COL26A1: variants seen among roughly 807,000 people sequenced by gnomAD.
COL26A1 encodes the protein collagen alpha-1(XXVI) chain.
COL26A1 carries 41 observed loss-of-function variants against 59.3 expected under a neutral mutation model. The observed-to-expected ratio is 0.69, with a 90% CI of 0.54 to 0.90. COL26A1 has a LOEUF of 0.90. Among genes scored for constraint, COL26A1 ranks in the 40% least tolerant of loss-of-function variants. The probability of loss-of-function intolerance (pLI) is 0.00; values close to 1 mark genes in which losing one functional copy is unlikely to be tolerated. For missense variants in COL26A1, 612 were observed against 602.3 expected (o/e 1.02, Z -0.17); for synonymous variants, 266 against 256.0 (o/e 1.04, Z -0.37).
chr7:101,464,181 G>C (rs1793700617), intron 3 of COL26A1, among the ~76,000 whole-genome samples: 1 of 151,612 alleles, frequency 6.6e-6, no homozygotes, highest in Non-Finnish European at 1.5e-5. Flanking sequence ...GCCCAGGCTG[G>C]TATGGAACTC....
chr7:101,490,645 G>A (rs1563008965), intron 3 of COL26A1, among the ~76,000 whole-genome samples: 1 of 151,896 alleles, frequency 6.6e-6, no homozygotes, highest in Non-Finnish European at 1.5e-5. Flanking sequence ...AGATAACAGT[G>A]AGCGGAGATT....
intron 7 of COL26A1, among the ~76,000 whole-genome samples, chr7:101,546,450 G>T (rs1386922544): frequency 1.3e-5 from 2 of 150,848 alleles, no homozygotes; most frequent in Admixed American, 1.3e-4. Context: ...ATGTTGCCCA[G>T]GCTGGTCTGG....
At chr7:101,429,631 C>T (rs1224356810) in intron 2 of COL26A1, among the ~76,000 whole-genome samples, 4 of 107,264 alleles carry the variant, frequency 3.7e-5, no homozygotes, top group African/African-American at 7.4e-5. Context: ...TTTGCTCTGT[C>T]GCCCAGGCTG....
chr7:101,504,924 C>T (rs989789925), intron 3 of COL26A1, among the ~76,000 whole-genome samples: 14 of 152,060 alleles, frequency 9.2e-5, no homozygotes, highest in African/African-American at 2.7e-4. Flanking sequence ...GAGGCTGAGG[C>T]GGGCAGATCC....
chr7:101,460,762 T>C (rs1054073087), intron 3 of COL26A1, among the ~76,000 whole-genome samples: 7 of 149,964 alleles, frequency 4.7e-5, no homozygotes, highest in Admixed American at 2.7e-4. Context: ...GCCTGGGTGA[T>C]AGAGAGAGAC....
intron 3 of COL26A1, 29 bp from the exon 4 acceptor site, chr7:101,533,053 C>A (rs959056455): frequency 2.6e-6 from 4 of 1,566,522 alleles, no homozygotes; most frequent in Non-Finnish European, 3.5e-6. Flanking sequence ...CTACACTCTG[C>A]TCTCATATAA....
chr7:101,487,035 G>A (rs1035376244), intron 3 of COL26A1, among the ~76,000 whole-genome samples: 1 of 152,340 alleles, frequency 6.6e-6, no homozygotes, highest in South Asian at 2.1e-4. Context: ...CCAGGCAGGC[G>A]TGGGAGGAGA....
chr7:101,458,374 G>A (rs899193657), intron 3 of COL26A1, among the ~76,000 whole-genome samples: 2 of 152,044 alleles, frequency 1.3e-5, no homozygotes, highest in East Asian at 1.9e-4. Context: ...AGTGGCTCAC[G>A]CCTGTAATTC....
intron 9 of COL26A1, among the ~76,000 whole-genome samples, chr7:101,549,684 G>A (rs373316930): frequency 1.3e-5 from 2 of 152,296 alleles, no homozygotes; most frequent in African/African-American, 4.8e-5. Context: ...GCCCAGCCGA[G>A]ATTTTAATTT....
intron 1 of COL26A1, among the ~76,000 whole-genome samples, chr7:101,401,693 G>GGAGGAAGAGTAGGAGGTA (rs1792006651): frequency 7.7e-6 from 1 of 129,644 alleles, no homozygotes; most frequent in Non-Finnish European, 1.6e-5. Context: ...AGGCTGAGGA[G>GGAGGAAGAGTAGGAGGTA]GAGGAAGAGT....
chr7:101,487,771 G>A (rs13240132), intron 3 of COL26A1, among the ~76,000 whole-genome samples: 2,592 of 152,312 alleles, frequency 0.017, 26 homozygotes, highest in Non-Finnish European at 0.027. Context: ...CACTGGGGCT[G>A]GAGGGGCTCT....
intron 2 of COL26A1, among the ~76,000 whole-genome samples, chr7:101,420,798 C>A (rs560709129): frequency 2.0e-4 from 31 of 151,910 alleles, no homozygotes; most frequent in African/African-American, 7.2e-4. Context: ...TCTCACCAGC[C>A]CTGACCAGAC....
In COL26A1 at chr7:101,378,594, T is replaced by A. The variant is rs114874380; in HGVS notation, c.158+15404T>A. ...CCAGGCTGGTCTCGAACTCCTGGCT[T>A]CAAGCGATCCTCCAGACTTGGGGGC... is the stretch of plus-strand genomic sequence containing the variant. On this transcript the variant is annotated intron_variant, in intron 1 of 12. Transcript: ENST00000313669. Among the ~76,000 whole-genome samples the A allele has an allele frequency of 6.0e-3, 908 of 152,166 alleles. 11 individuals are homozygous for A. The highest frequency in any genetic ancestry group is 0.021 in the African/African-American group (875 of 41,528).
At chr7:101,420,606 T>A (rs1318143626) in intron 2 of COL26A1, among the ~76,000 whole-genome samples, 1 of 151,046 alleles carries the variant, frequency 6.6e-6, no homozygotes, top group African/African-American at 2.4e-5. Context: ...TCACCAGCCC[T>A]GACCCTCATG....
intron 3 of COL26A1, among the ~76,000 whole-genome samples, chr7:101,506,459 G>A (rs1283578081): frequency 6.6e-6 from 1 of 152,198 alleles, no homozygotes; most frequent in Non-Finnish European, 1.5e-5. Context: ...GAAACCAAAC[G>A]GGTCCAGATT....
intron 2 of COL26A1, among the ~76,000 whole-genome samples, chr7:101,431,965 A>AC (rs1792793184): frequency 1.1e-5 from 1 of 90,506 alleles, no homozygotes; most frequent in Non-Finnish European, 2.0e-5. Context: ...CTAATTTTAT[A>AC]ATTTTTTTTT....
At chr7:101,489,781 T>TCC (rs1794381070) in intron 3 of COL26A1, among the ~76,000 whole-genome samples, 2 of 2,266 alleles carry the variant, frequency 8.8e-4, no homozygotes, top group African/African-American at 1.6e-3. Context: ...TTTCTTTCTT[T>TCC]CTTTCTTTCT....
intron 3 of COL26A1, among the ~76,000 whole-genome samples, chr7:101,519,656 G>A (rs1440538252): frequency 2.0e-5 from 3 of 152,036 alleles, no homozygotes; most frequent in Non-Finnish European, 1.5e-5. Context: ...TGCATCCTCA[G>A]GCAGAGCACA....
chr7:101,394,585 C>CTTTTTT (rs59966789), intron 1 of COL26A1, among the ~76,000 whole-genome samples: 1,009 of 122,508 alleles, frequency 8.2e-3, no homozygotes, highest in Non-Finnish European at 0.012. Context: ...TTTTTCTTTT[C>CTTTTTT]TTTTTTTTTT....
Sources: allele counts gnomAD v4.1 joint callset (sites outside exome capture counted in the v4.1 genomes callset), GRCh38; gene constraint gnomAD v4.1.1; transcripts MANE v1.5; gene names NCBI Gene and HGNC (gene_info 2026-07-23, HGNC 2026-07-21).